The following SLA2 variants were observed in gnomAD, a reference collection of about 807,000 sequenced individuals.
The protein encoded by SLA2 is Src like adaptor 2, also known as src-like-adapter 2.
Under a neutral mutation model 27.3 loss-of-function variants are expected in SLA2, and 22 were observed. The observed-to-expected ratio is 0.81, with a 90% CI of 0.58 to 1.15. The LOEUF is 1.15. SLA2 is among the 50% of genes most tolerant of loss of function. The pLI is 0.00. For missense variants in SLA2, 304 were observed against 322.2 expected (o/e 0.94, Z 0.43); for synonymous variants, 131 against 137.8 (o/e 0.95, Z 0.34).
chr20:36,626,532 C>G (rs1242031256), intron 5 of SLA2, among the ~76,000 whole-genome samples: 1 of 149,490 alleles, frequency 6.7e-6, no homozygotes, highest in Non-Finnish European at 1.5e-5. Context: ...CCACCGCACT[C>G]CAGCTTGGGT....
At position 36,641,369 on chromosome 20, in the gene SLA2, C is replaced by T. The variant is rs377744437; in HGVS notation, c.-34G>A. The T allele has an allele frequency of 7.6e-6, 12 of 1,579,916 alleles. No homozygotes were observed. Among genetic ancestry groups the T allele is most frequent in the East Asian group, 2.2e-5 (1 of 44,604 alleles). ...AGCAGAGCACTCAGAAGCACATCAT[C>T]GAGGGAAATCTGAAAGAGACACAGT... On this transcript the variant is annotated 5_prime_UTR_variant, in exon 2 of 8. Coordinates refer to ENST00000262866, the MANE Select transcript of SLA2 (RefSeq NM_032214.4).
At chr20:36,625,464 T>G (rs907821221) in intron 5 of SLA2, among the ~76,000 whole-genome samples, 29 of 152,020 alleles carry the variant, frequency 1.9e-4, no homozygotes, top group Admixed American at 1.4e-3. Flanking sequence ...CCTCAGGTGA[T>G]TCCCCCGCCT....
intron 5 of SLA2, chr20:36,620,466 A>G (rs1274777103): frequency 9.1e-5 from 21 of 231,730 alleles, no homozygotes; most frequent in Non-Finnish European, 1.2e-4. Flanking sequence ...TTAAAACCAT[A>G]GAAGTTATGG....
At chr20:36,629,168 T>A (rs2039368572) in intron 5 of SLA2, among the ~76,000 whole-genome samples, 1 of 151,732 alleles carries the variant, frequency 6.6e-6, no homozygotes, top group South Asian at 2.1e-4. Context: ...GTTCAAGCAA[T>A]TCTCTAGCCT....
chr20:36,619,006 AT>A (rs1373923431), intron 5 of SLA2, among the ~76,000 whole-genome samples: 3 of 149,886 alleles, frequency 2.0e-5, no homozygotes, highest in South Asian at 2.1e-4. Flanking sequence ...TGGGCAGATC[AT>A]TTGAGGTCGA....
intron 1 of SLA2, among the ~76,000 whole-genome samples, chr20:36,642,365 T>C (rs902576731): frequency 4.7e-5 from 7 of 149,506 alleles, no homozygotes; most frequent in South Asian, 2.2e-4. Flanking sequence ...ACCAGCCCCC[T>C]GTTTCCTTTA....
chr20:36,616,784 T>C (rs970387607), intron 5 of SLA2, among the ~76,000 whole-genome samples: 2 of 152,156 alleles, frequency 1.3e-5, no homozygotes, highest in Non-Finnish European at 2.9e-5. Context: ...TGCCTGGCCA[T>C]ATAAGCACAT....
At chr20:36,633,483 A>C in intron 4 of SLA2, 60 bp downstream of exon 4, 1 of 1,387,850 alleles carries the variant, frequency 7.2e-7, no homozygotes, top group Non-Finnish European at 1.0e-6. Context: ...CACAAAGGGG[A>C]GTTCTTGTGG....
At chr20:36,633,865 C>G (rs2039417264) in intron 3 of SLA2, among the ~76,000 whole-genome samples, 1 of 151,558 alleles carries the variant, frequency 6.6e-6, no homozygotes, top group Non-Finnish European at 1.5e-5. Context: ...CACTGCTTCT[C>G]CCTGTGGGGG....
chr20:36,614,350 G>T lies in SLA2; in HGVS notation c.620C>A (p.Pro207His). The change falls in exon 7 of 8, where the codon CCT (proline) becomes CAT (histidine). Residue 207 changes from proline (P) to histidine (H), a missense_variant. Physicochemically the swap from Pro to His is moderately conservative, Grantham distance 77. Transcript: ENST00000262866. ...GAGTGGTGTCCTCTGCACAGTCACA[G>T]GTAGGGGTATATCCTTGCCAGGGAG... ...GPLPGKDIPL[P>H]VTVQRTPLNW... is the part of the protein sequence containing the mutation. 6.2e-7 allele frequency: 1 copy of T among 1,614,198 alleles called. No homozygotes were observed. Among genetic ancestry groups the T allele is most frequent in the Middle Eastern group, 1.6e-4 (1 of 6,062 alleles).
rs151228723 is a variant in SLA2 at position 36,644,964 on chromosome 20, T to G, written c.-44+873A>C. 6.6e-3 allele frequency among the ~76,000 whole-genome samples: 1,002 copies of G among 151,076 alleles called. 12 individuals are homozygous for G. The highest frequency in any genetic ancestry group is 0.023 in the African/African-American group (956 of 41,116). ...GAGGACAACCATGTGATTCTGTTCATGTAGCCCATTCGTGCAGGACTGGGC... is the reference window on the plus strand; with the variant it reads ...GAGGACAACCATGTGATTCTGTTCAGGTAGCCCATTCGTGCAGGACTGGGC... On this transcript the variant is annotated intron_variant, in intron 1 of 7. Coordinates refer to ENST00000262866, the MANE Select transcript of SLA2 (RefSeq NM_032214.4).
At chr20:36,630,430 C>A (rs957239437) in intron 5 of SLA2, among the ~76,000 whole-genome samples, 1 of 152,156 alleles carries the variant, frequency 6.6e-6, no homozygotes, top group African/African-American at 2.4e-5. Flanking sequence ...TCAAGGCGGG[C>A]GCCAGGAGGT....
intron 4 of SLA2, 121 bp from the exon 5 acceptor site, chr20:36,632,819 C>T: frequency 1.4e-6 from 1 of 728,156 alleles, no homozygotes; most frequent in Non-Finnish European, 2.3e-6. Context: ...CCTCAGAGTT[C>T]TATCTGCTCC....
In SLA2 at chr20:36,633,546, T is replaced by C. The variant is rs763031814; in HGVS notation, c.275A>G (p.His92Arg). The C allele has an allele frequency of 8.7e-6, 14 of 1,613,732 alleles. No individual in the cohort carries two copies. The highest frequency in any genetic ancestry group is 2.7e-5 in the African/African-American group (2 of 74,906). The part of the protein sequence containing the change: ...IPSVHVAKVS[H>R]GWLYEGLSRE... The stretch of plus-strand genomic sequence containing the variant: ...CGGGCCTGGGGTGGGAACTCACCCA[T>C]GGGAGACTTTGGCCACGTGGACGCT... Residue 92 changes from histidine to arginine, a missense_variant, in exon 4 of 8, where the codon CAT becomes CGT. By Grantham distance (29) the His-to-Arg change is conservative (BLOSUM62 0). Coordinates refer to ENST00000262866, the MANE Select transcript of SLA2 (RefSeq NM_032214.4).
chr20:36,621,059 G>C, intron 5 of SLA2: 1 of 364,906 alleles, frequency 2.7e-6, no homozygotes, highest in Non-Finnish European at 5.4e-6. Context: ...GAAGACTGTG[G>C]TGGTGGAGAT....
At chr20:36,633,514 T>C in intron 4 of SLA2, 29 bp downstream of exon 4, 1 of 1,587,060 alleles carries the variant, frequency 6.3e-7, no homozygotes, top group Non-Finnish European at 8.7e-7. Flanking sequence ...CAGGAAGCTC[T>C]GCAAGGCGGG....
chr20:36,622,638 A>C (rs952009949), intron 5 of SLA2, among the ~76,000 whole-genome samples: 2 of 152,164 alleles, frequency 1.3e-5, no homozygotes, highest in Admixed American at 1.3e-4. Context: ...TGCAGACTCT[A>C]GAGAAGAAAT....
At position 36,640,062 on chromosome 20, in the gene SLA2, C is replaced by T. The variant is rs142242429; in HGVS notation, c.91+1183G>A. Among the ~76,000 whole-genome samples, 656 of 152,092 alleles carry T rather than the reference C, an allele frequency of 4.3e-3. 6 individuals are homozygous for T. The highest frequency in any genetic ancestry group is 0.015 in the African/African-American group (621 of 41,504). ...GTGGCTCATGCCTGAAATCTCAGCA[C>T]TTTGGGAGGCCAAGGCGGGAGGATC... On this transcript the variant is annotated intron_variant, in intron 2 of 7. Coordinates refer to ENST00000262866, the MANE Select transcript of SLA2 (RefSeq NM_032214.4).
At chr20:36,643,026 T>A (rs1346323482) in intron 1 of SLA2, among the ~76,000 whole-genome samples, 1 of 152,170 alleles carries the variant, frequency 6.6e-6, no homozygotes, top group South Asian at 2.1e-4. Flanking sequence ...CTTGGGAAGT[T>A]TTCATCATTC....
Sources: gnomAD v4.1 joint callset for allele counts (sites outside exome capture counted in the v4.1 genomes callset) on GRCh38, gnomAD v4.1.1 for gene constraint, MANE v1.5 for transcripts, NCBI Gene and HGNC (gene_info 2026-07-23, HGNC 2026-07-21) for gene names.